Variants in XRN2 observed in about 807,000 individuals in gnomAD.
XRN2 encodes the protein 5'-3' exoribonuclease 2.
In XRN2, 44 loss-of-function variants were observed where a neutral mutation model predicts 138.5. The ratio of observed to expected loss-of-function variants is 0.32; its 90% CI spans 0.25 to 0.41. The LOEUF (loss-of-function observed/expected upper bound fraction) is 0.41, where lower values mean the gene tolerates loss of function less well. Among genes scored for constraint, XRN2 ranks in the 10% least tolerant of loss-of-function variants. XRN2 has a pLI of 1.00. For synonymous variants in XRN2, 354 were observed against 369.4 expected (o/e 0.96, Z 0.48); for missense variants, 937 against 1,169.3 (o/e 0.80, Z 2.90).
chr20:21,369,754 A>G (rs552650683), intron 27 of XRN2, among the ~76,000 whole-genome samples: 3 of 152,290 alleles, frequency 2.0e-5, no homozygotes, highest in Non-Finnish European at 4.4e-5. Flanking sequence ...AGCTCCTTAC[A>G]TATTCTGGTT....
At position 21,389,383 on chromosome 20, in the gene XRN2, T is replaced by C; in HGVS notation, c.*45T>C. The C allele has an allele frequency of 6.4e-7, 1 of 1,556,450 alleles. No homozygotes were observed. Among genetic ancestry groups the C allele is most frequent in the Non-Finnish European group, 8.7e-7 (1 of 1,144,564 alleles). ...AAATCCTTTCATCATTCTACAGTTT[T>C]ATGCTATTTGTGGAAAGATTTCTTT... is the stretch of plus-strand genomic sequence containing the variant. On this transcript the variant is annotated 3_prime_UTR_variant, in exon 30 of 30. Coordinates refer to ENST00000377191, the MANE Select transcript of XRN2 (RefSeq NM_012255.5).
chr20:21,357,670 C>CT (rs1555786690), intron 23 of XRN2, 66 bp from the exon 24 acceptor site: 2 of 1,316,598 alleles, frequency 1.5e-6, no homozygotes, highest in African/African-American at 3.0e-5. Context: ...ATAGCAACAT[C>CT]TTATTTCCAC....
chr20:21,386,121 A>G (rs2038934178), intron 28 of XRN2, among the ~76,000 whole-genome samples: 1 of 152,258 alleles, frequency 6.6e-6, no homozygotes, highest in African/African-American at 2.4e-5. Context: ...TGCATCTGCA[A>G]AGTTAAAATA....
At chr20:21,339,307 A>G (rs2038341462) in intron 14 of XRN2, among the ~76,000 whole-genome samples, 2 of 152,250 alleles carry the variant, frequency 1.3e-5, no homozygotes, top group Non-Finnish European at 2.9e-5. Context: ...GGGAGGTGAG[A>G]GGTGGGTGGC....
chr20:21,313,994 A>G (rs2037923649), intron 1 of XRN2, among the ~76,000 whole-genome samples: 2 of 152,242 alleles, frequency 1.3e-5, no homozygotes. Flanking sequence ...TAGTATTTTC[A>G]CAAATGTGTG....
intron 29 of XRN2, among the ~76,000 whole-genome samples, chr20:21,388,171 A>C (rs1055297326): frequency 1.3e-5 from 2 of 152,214 alleles, no homozygotes; most frequent in Admixed American, 1.3e-4. Context: ...TCATTTTCCA[A>C]GTCAGGAACT....
intron 4 of XRN2, 27 bp from the exon 5 acceptor site, chr20:21,330,453 AG>A (rs775774629): frequency 1.2e-6 from 2 of 1,608,466 alleles, no homozygotes; most frequent in Non-Finnish European, 1.7e-6. Flanking sequence ...TTTTATGGGG[AG>A]AACAAAACGT....
chr20:21,335,458 CT>C (rs1668613288), intron 13 of XRN2, among the ~76,000 whole-genome samples: 1 of 152,172 alleles, frequency 6.6e-6, no homozygotes, highest in African/African-American at 2.4e-5. Context: ...ACTTTGTATA[CT>C]GTAGCTAGTG....
intron 29 of XRN2, among the ~76,000 whole-genome samples, chr20:21,388,670 T>C (rs6137332): frequency 0.081 from 12,344 of 152,220 alleles, 648 homozygotes; most frequent in East Asian, 0.16. Context: ...AAAGGACTTA[T>C]AATGAAGAGG....
chr20:21,324,192 A>G lies in XRN2; in HGVS notation c.76-2087A>G, dbSNP rs147357945. Among the ~76,000 whole-genome samples the G allele has an allele frequency of 2.2e-4, 33 of 151,966 alleles. 1 individual carries two copies. In the East Asian group the frequency reaches 6.4e-3, roughly 29 times the overall value. Reference sequence around the variant, plus strand: ...TTTTTCTTTACCACTTATTCCACTCACTGTTCCTGATCAAGCCTTTTTTTC... The same window carrying G: ...TTTTTCTTTACCACTTATTCCACTCGCTGTTCCTGATCAAGCCTTTTTTTC... On this transcript the variant is annotated intron_variant, in intron 1 of 29. Coordinates refer to ENST00000377191, the MANE Select transcript of XRN2 (RefSeq NM_012255.5).
At position 21,332,439 on chromosome 20, in the gene XRN2, A is replaced by C; in HGVS notation, c.857A>C (p.Lys286Thr). ...CEGLPREKKG[K>T]HDELADSLPC... ...GGTTTGCCAAGAGAAAAGAAGGGAAAGGTAAGAACTTTGAGATGGTAGTTG... is the reference window on the plus strand; with the variant it reads ...GGTTTGCCAAGAGAAAAGAAGGGAACGGTAAGAACTTTGAGATGGTAGTTG... The change falls in exon 9 of 30, where the codon AAG becomes ACG. Residue 286 changes from lysine to threonine, a missense_variant and splice_region_variant. Physicochemically the swap from Lys to Thr is moderately conservative, Grantham distance 78. Coordinates refer to ENST00000377191, the MANE Select transcript of XRN2 (RefSeq NM_012255.5). 6.2e-7 allele frequency: 1 copy of C among 1,600,412 alleles called. No homozygotes were observed. The highest frequency in any genetic ancestry group is 8.5e-7 in the Non-Finnish European group (1 of 1,174,550).
chr20:21,382,867 A>T (rs2038900506), intron 28 of XRN2, among the ~76,000 whole-genome samples: 1 of 152,228 alleles, frequency 6.6e-6, no homozygotes, highest in African/African-American at 2.4e-5. Context: ...TGGTTTTGCC[A>T]ACATCAGTAA....
In XRN2 at chr20:21,361,747, T is replaced by C. The variant is rs189975950; in HGVS notation, c.2256-3674T>C. Among the ~76,000 whole-genome samples the C allele has an allele frequency of 2.2e-3, 334 of 152,364 alleles. 1 individual carries two copies. The highest frequency in any genetic ancestry group is 6.8e-3 in the Middle Eastern group (2 of 294). On this transcript the variant is annotated intron_variant, in intron 24 of 29. Transcript: ENST00000377191. The stretch of plus-strand genomic sequence containing the variant: ...ATATAAAAAGTTACCTTTTTGAGTC[T>C]TTGCCTAATGGGTTCCTGCTTAGTC...
intron 20 of XRN2, among the ~76,000 whole-genome samples, chr20:21,351,633 T>C (rs1335199366): frequency 2.6e-5 from 4 of 152,236 alleles, no homozygotes; most frequent in Non-Finnish European, 5.9e-5. Flanking sequence ...TCCTGTGCTT[T>C]TGGTGTCATA....
At chr20:21,313,172 A>C (rs1395989396) in intron 1 of XRN2, among the ~76,000 whole-genome samples, 1 of 152,214 alleles carries the variant, frequency 6.6e-6, no homozygotes, top group Non-Finnish European at 1.5e-5. Flanking sequence ...TATGTAAGTA[A>C]TATTGCAGTT....
chr20:21,344,040 G>A (rs2122240957), intron 15 of XRN2, 50 bp from the exon 16 acceptor site: 2 of 1,413,212 alleles, frequency 1.4e-6, no homozygotes, highest in East Asian at 2.3e-5. Flanking sequence ...ACCTTCTTAT[G>A]TAAAATGAAT....
intron 27 of XRN2, among the ~76,000 whole-genome samples, chr20:21,379,541 A>C (rs1423495772): frequency 5.9e-5 from 9 of 152,220 alleles, no homozygotes; most frequent in Non-Finnish European, 7.3e-5. Context: ...TTAACAAAAA[A>C]CTGTAATTTT....
Position 21,331,648 on chromosome 20 carries a change from C to T in XRN2, c.649+15C>T, listed in dbSNP as rs377112436. On this transcript the variant is annotated intron_variant, in intron 7 of 29. Transcript: ENST00000377191. ...AAGGCAAAGAGGTAAAGCTTACTTACCAATATTTGATTATATGTTCTATTT... is the reference window on the plus strand; with the variant it reads ...AAGGCAAAGAGGTAAAGCTTACTTATCAATATTTGATTATATGTTCTATTT... 9 of 1,608,010 alleles carry T rather than the reference C, an allele frequency of 5.6e-6. No homozygotes were observed. The highest frequency in any genetic ancestry group is 7.6e-6 in the Non-Finnish European group (9 of 1,177,912).
At chr20:21,375,814 ATTTATTTATTTATTT>A (rs1427130336) in intron 27 of XRN2, among the ~76,000 whole-genome samples, 25 of 146,494 alleles carry the variant, frequency 1.7e-4, no homozygotes, top group South Asian at 1.1e-3. Context: ...AGGTGTTTTT[ATTTATTTATTTATTT>A]TTTATTTATT....
Sources: gnomAD v4.1 joint callset for allele counts (sites outside exome capture counted in the v4.1 genomes callset) on GRCh38, gnomAD v4.1.1 for gene constraint, MANE v1.5 for transcripts, NCBI Gene and HGNC (gene_info 2026-07-23, HGNC 2026-07-21) for gene names.